The following FDFT1 variants were observed in gnomAD, a reference collection of about 807,000 sequenced individuals.
FDFT1 encodes the protein squalene synthase.
In FDFT1, 68 loss-of-function variants were observed where a neutral mutation model predicts 46.8. The ratio of observed to expected loss-of-function variants is 1.45; its 90% CI spans 1.19 to 1.78. FDFT1 has a LOEUF of 1.78. Among genes scored for constraint, FDFT1 ranks in the 40% most tolerant of loss-of-function variants. FDFT1 has a pLI of 0.00. For missense variants in FDFT1, 928 were observed against 524.4 expected (o/e 1.77, Z -7.52); for synonymous variants, 351 against 185.1 (o/e 1.90, Z -7.28).
chr8:11,801,921 C>G, upstream of FDFT1: 1 of 451,720 alleles, frequency 2.2e-6, no homozygotes. Context: ...GATCTCTTGA[C>G]CTCGTGATCC....
At chr8:11,803,278 G>C in intron 1 of FDFT1, 1 of 1,329,650 alleles carries the variant, frequency 7.5e-7, no homozygotes, top group Non-Finnish European at 9.8e-7. Context: ...GGTTACGCGG[G>C]AGAGGACGAG....
At chr8:11,823,882 T>G (rs189250046) in intron 4 of FDFT1, among the ~76,000 whole-genome samples, 2 of 152,200 alleles carry the variant, frequency 1.3e-5, no homozygotes, top group African/African-American at 4.8e-5. Context: ...TAGCTGGGAC[T>G]ATAGGTCCAC....
chr8:11,824,042 T>G (rs1037584980), intron 4 of FDFT1, among the ~76,000 whole-genome samples: 1 of 152,066 alleles, frequency 6.6e-6, no homozygotes, highest in Non-Finnish European at 1.5e-5. Context: ...TTAAAATTTT[T>G]TACAGAGATG....
At chr8:11,801,893 G>T (rs759851943), upstream of FDFT1, 2 of 449,100 alleles carry the variant, frequency 4.5e-6, no homozygotes, top group Admixed American at 4.9e-5. Context: ...GTTTCACCAT[G>T]TTGGCCAGGA....
chr8:11,809,019 A>G (rs980288495), intron 2 of FDFT1, 128 bp downstream of exon 2: 9 of 1,420,052 alleles, frequency 6.3e-6, no homozygotes, highest in African/African-American at 5.7e-5. Context: ...TCCAGAACAT[A>G]GCCCGGCCCT....
intron 1 of FDFT1, among the ~76,000 whole-genome samples, chr8:11,804,788 T>C (rs1386911368): frequency 2.0e-5 from 3 of 151,868 alleles, no homozygotes; most frequent in Non-Finnish European, 4.4e-5. Context: ...TTGGTATTTT[T>C]AGTAGAGACG....
intron 3 of FDFT1, among the ~76,000 whole-genome samples, chr8:11,816,399 G>T (rs895009679): frequency 2.0e-5 from 3 of 152,224 alleles, no homozygotes; most frequent in African/African-American, 4.8e-5. Context: ...TTCCAATTCT[G>T]TGAAGAAAGT....
intron 5 of FDFT1, among the ~76,000 whole-genome samples, chr8:11,829,450 C>G (rs553852406): frequency 9.8e-5 from 15 of 152,330 alleles, no homozygotes; most frequent in Admixed American, 2.6e-4. Context: ...AGGATAGACT[C>G]AGCTCATTTC....
chr8:11,819,762 T>C (rs527945305), intron 3 of FDFT1, among the ~76,000 whole-genome samples: 1 of 152,188 alleles, frequency 6.6e-6, no homozygotes. Flanking sequence ...TTTCTCAAGG[T>C]TTTAAGTTTC....
At position 11,819,589 on chromosome 8, in the gene FDFT1, T is replaced by G. The variant is rs185132637; in HGVS notation, c.382-2161T>G. ...ATCTTGTCTTCTTGCTTTATTTCAT[T>G]AATTTGATCTTCGATCACTGATATC... On this transcript the variant is annotated intron_variant, in intron 3 of 7. Transcript: ENST00000220584. Among the ~76,000 whole-genome samples the G allele has an allele frequency of 7.0e-4, 106 of 152,234 alleles. 1 individual carries two copies. Among genetic ancestry groups the G allele is most frequent in the African/African-American group, 2.2e-3 (93 of 41,552 alleles).
upstream of FDFT1, chr8:11,801,564 C>T (rs539102455): frequency 2.3e-5 from 4 of 176,020 alleles, no homozygotes; most frequent in East Asian, 5.3e-4. Context: ...AGGTGATCCG[C>T]CCGCCTTGGC....
upstream of FDFT1, chr8:11,801,934 C>G (rs770261189): frequency 4.4e-6 from 2 of 454,768 alleles, no homozygotes; most frequent in Non-Finnish European, 8.8e-6. Context: ...CGTGATCCAC[C>G]CGCCTTGGCC....
chr8:11,834,921 C>G (rs555135587), intron 7 of FDFT1, among the ~76,000 whole-genome samples: 1 of 152,146 alleles, frequency 6.6e-6, no homozygotes, highest in African/African-American at 2.4e-5. Flanking sequence ...GTAAGGAGTT[C>G]GAGACCAGCC....
intron 3 of FDFT1, among the ~76,000 whole-genome samples, chr8:11,818,277 C>G (rs1810975640): frequency 6.6e-6 from 1 of 152,146 alleles, no homozygotes; most frequent in South Asian, 2.1e-4. Context: ...TGTTTTTCTT[C>G]CAATTCTGTG....
At chr8:11,827,066 G>GA (rs1677887883) in intron 5 of FDFT1, among the ~76,000 whole-genome samples, 1 of 152,188 alleles carries the variant, frequency 6.6e-6, no homozygotes, top group Non-Finnish European at 1.5e-5. Flanking sequence ...TTTTGATACT[G>GA]ATTTTGTTCA....
intron 3 of FDFT1, among the ~76,000 whole-genome samples, chr8:11,821,090 C>G (rs934626121): frequency 6.6e-6 from 1 of 152,190 alleles, no homozygotes; most frequent in Non-Finnish European, 1.5e-5. Flanking sequence ...AGTGCTTGAT[C>G]CATGTTTGCA....
At chr8:11,838,282 A>T in intron 7 of FDFT1, 106 bp from the exon 8 acceptor site, 1 of 838,028 alleles carries the variant, frequency 1.2e-6, no homozygotes. Context: ...CCCTTTCCTC[A>T]TTGGTAAAAT....
chr8:11,814,628 T>C (rs926017226), intron 3 of FDFT1, among the ~76,000 whole-genome samples: 2 of 152,226 alleles, frequency 1.3e-5, no homozygotes, highest in African/African-American at 4.8e-5. Flanking sequence ...ACAAGATATT[T>C]GGGCAGTAAC....
At chr8:11,825,531 C>T (rs1173835225) in intron 4 of FDFT1, among the ~76,000 whole-genome samples, 2 of 102,646 alleles carry the variant, frequency 1.9e-5, no homozygotes, top group African/African-American at 3.7e-5. Flanking sequence ...CAAAGTGAGA[C>T]TTGATCTCAA....
Sources: allele counts gnomAD v4.1 joint callset (sites outside exome capture counted in the v4.1 genomes callset), GRCh38; gene constraint gnomAD v4.1.1; transcripts MANE v1.5; gene names NCBI Gene and HGNC (gene_info 2026-07-23, HGNC 2026-07-21).